GRIK2: variants seen among roughly 807,000 people sequenced by gnomAD.
GRIK2 encodes glutamate receptor ionotropic, kainate 2.
GRIK2 carries 32 observed loss-of-function variants against 100.3 expected under a neutral mutation model. That is an observed-to-expected ratio of 0.32 (90% CI 0.24 to 0.43). The LOEUF (loss-of-function observed/expected upper bound fraction) is 0.43. Ranked by LOEUF, GRIK2 falls within the 20% of genes least tolerant of loss-of-function variation. GRIK2 has a pLI of 1.00. For missense variants in GRIK2, 843 were observed against 1,114.9 expected (o/e 0.76, Z 3.47); for synonymous variants, 417 against 389.4 (o/e 1.07, Z -0.83).
At chr6:101,782,705 T>C (rs181128098) in intron 7 of GRIK2, among the ~76,000 whole-genome samples, 13 of 152,320 alleles carry the variant, frequency 8.5e-5, no homozygotes, top group African/African-American at 3.1e-4. Flanking sequence ...TGATTTCCTT[T>C]CCTTTGGATA....
At chr6:101,870,003 C>G (rs1412920299) in intron 11 of GRIK2, among the ~76,000 whole-genome samples, 1 of 151,890 alleles carries the variant, frequency 6.6e-6, no homozygotes, top group Non-Finnish European at 1.5e-5. Context: ...AGGTACAGGA[C>G]TTATTCAACT....
intron 4 of GRIK2, among the ~76,000 whole-genome samples, chr6:101,634,271 C>T (rs576286632): frequency 2.6e-5 from 4 of 151,896 alleles, no homozygotes; most frequent in East Asian, 1.9e-4. Flanking sequence ...AAGTGGTTGC[C>T]GGGAAGGAGT....
At position 101,750,428 on chromosome 6, in the gene GRIK2, A is replaced by G. The variant is rs567392364; in HGVS notation, c.952-49220A>G. Among the ~76,000 whole-genome samples the G allele has an allele frequency of 1.9e-3, 282 of 152,284 alleles. 1 individual carries two copies. The highest frequency in any genetic ancestry group is 3.7e-3 in the Non-Finnish European group (255 of 68,026). On this transcript the variant is annotated intron_variant, in intron 7 of 16. Coordinates refer to ENST00000369134, the MANE Select transcript of GRIK2 (RefSeq NM_021956.5). ...ACCGAGGCCCAGATAAATGTGTTTG[A>G]AAACCATTCAATCATACTCATTGGG...
At chr6:101,830,182 A>G (rs1220756765) in intron 10 of GRIK2, among the ~76,000 whole-genome samples, 1 of 151,954 alleles carries the variant, frequency 6.6e-6, no homozygotes, top group Non-Finnish European at 1.5e-5. Context: ...GGAAAAGGAT[A>G]TCTTATTCAA....
At chr6:101,786,151 T>G (rs1779408001) in intron 7 of GRIK2, among the ~76,000 whole-genome samples, 1 of 152,122 alleles carries the variant, frequency 6.6e-6, no homozygotes, top group Non-Finnish European at 1.5e-5. Context: ...GATTTTTGTT[T>G]GTTGATTTTG....
chr6:101,479,815 T>A (rs1039453056), intron 2 of GRIK2, among the ~76,000 whole-genome samples: 4 of 152,214 alleles, frequency 2.6e-5, no homozygotes, highest in African/African-American at 9.6e-5. Context: ...TAAACATTTG[T>A]CATTTTCAAT....
At chr6:101,747,475 T>G (rs1776489973) in intron 7 of GRIK2, among the ~76,000 whole-genome samples, 1 of 152,208 alleles carries the variant, frequency 6.6e-6, no homozygotes, top group African/African-American at 2.4e-5. Flanking sequence ...AATGACTAGC[T>G]TTGTTCAATT....
At chr6:101,868,608 A>G (rs1393167895) in intron 11 of GRIK2, among the ~76,000 whole-genome samples, 2 of 151,756 alleles carry the variant, frequency 1.3e-5, no homozygotes, top group South Asian at 2.1e-4. Context: ...TCTTTAGAGC[A>G]TAGAGCAAAT....
At chr6:101,912,079 CAGACACAAACACACACACACAA>C (rs869125105) in intron 12 of GRIK2, among the ~76,000 whole-genome samples, 1 of 140,154 alleles carries the variant, frequency 7.1e-6, no homozygotes, top group Non-Finnish European at 1.5e-5. Flanking sequence ...CACACACACA[CAGACACAAACACACACACACAA>C]ACACACACAC....
intron 2 of GRIK2, among the ~76,000 whole-genome samples, chr6:101,446,971 ATATAT>A (rs995245718): frequency 2.4e-5 from 1 of 41,890 alleles, no homozygotes; most frequent in Non-Finnish European, 4.3e-5. Flanking sequence ...TTATATATTT[ATATAT>A]TATATGTTTA....
chr6:101,442,900 G>A (rs1024615127), intron 2 of GRIK2, among the ~76,000 whole-genome samples: 2 of 152,124 alleles, frequency 1.3e-5, no homozygotes, highest in African/African-American at 4.8e-5. Context: ...TACTTCTCCT[G>A]TTAGCAAGTC....
intron 14 of GRIK2, among the ~76,000 whole-genome samples, chr6:101,972,124 G>C (rs367760343): frequency 6.6e-6 from 1 of 152,004 alleles, no homozygotes; most frequent in Non-Finnish European, 1.5e-5. Context: ...TAATGGGATT[G>C]CTGGGTTGAA....
chr6:101,860,477 T>C (rs1275662778), intron 11 of GRIK2, among the ~76,000 whole-genome samples: 3 of 152,192 alleles, frequency 2.0e-5, no homozygotes, highest in Non-Finnish European at 4.4e-5. Context: ...GGATTCCATG[T>C]ACAAAAATGG....
intron 14 of GRIK2, among the ~76,000 whole-genome samples, chr6:101,988,112 T>C (rs939466163): frequency 9.1e-5 from 4 of 43,820 alleles, no homozygotes; most frequent in African/African-American, 3.8e-4. Flanking sequence ...TGTGTGTGTG[T>C]GTGTGTGTGT....
intron 4 of GRIK2, among the ~76,000 whole-genome samples, chr6:101,633,951 A>G (rs1376801813): frequency 6.6e-6 from 1 of 152,146 alleles, no homozygotes; most frequent in East Asian, 1.9e-4. Context: ...TCTGTTAAAT[A>G]CTGTTACATG....
intron 7 of GRIK2, among the ~76,000 whole-genome samples, chr6:101,794,409 C>G (rs888022761): frequency 1.3e-5 from 2 of 152,048 alleles, no homozygotes; most frequent in African/African-American, 4.8e-5. Flanking sequence ...TTAAAAAAAT[C>G]CATTCAGCTA....
At chr6:102,001,997 A>G (rs1348828706) in intron 14 of GRIK2, among the ~76,000 whole-genome samples, 2 of 151,754 alleles carry the variant, frequency 1.3e-5, no homozygotes, top group East Asian at 1.9e-4. Flanking sequence ...AATGCATATA[A>G]GTTTGTTGAG....
intron 4 of GRIK2, among the ~76,000 whole-genome samples, chr6:101,669,768 T>C (rs1770292041): frequency 6.6e-6 from 1 of 152,170 alleles, no homozygotes; most frequent in South Asian, 2.1e-4. Flanking sequence ...TAAACATCTA[T>C]TTTTTGGATG....
At chr6:102,065,740 T>C (rs1042440261) in intron 16 of GRIK2, 62 of 1,100,846 alleles carry the variant, frequency 5.6e-5, no homozygotes, top group Non-Finnish European at 7.6e-5. Flanking sequence ...GTCAACGGGA[T>C]CAAGTTTTGA....
Sources: allele counts gnomAD v4.1 joint callset (sites outside exome capture counted in the v4.1 genomes callset), GRCh38; gene constraint gnomAD v4.1.1; transcripts MANE v1.5; gene names NCBI Gene and HGNC (gene_info 2026-07-23, HGNC 2026-07-21).